The following BTBD9 variants were observed in gnomAD, a reference collection of about 807,000 sequenced individuals.
BTBD9 encodes the protein BTB/POZ domain-containing protein 9.
BTBD9 carries 49 observed loss-of-function variants against 64.3 expected under a neutral mutation model. The observed-to-expected ratio is 0.76, with a 90% CI of 0.61 to 0.97. The LOEUF (loss-of-function observed/expected upper bound fraction) is 0.97, where lower values mean the gene tolerates loss of function less well. BTBD9 is among the 50% of genes least tolerant of loss of function. The pLI, the probability that BTBD9 is intolerant of heterozygous loss-of-function variation, is 0.00. For synonymous variants in BTBD9, 260 were observed against 274.7 expected (o/e 0.95, Z 0.53); for missense variants, 598 against 762.1 (o/e 0.78, Z 2.53).
rs70981527 is a variant in BTBD9, at chr6:38,190,467, T to TAAAA, written c.1641+2048_1641+2051dup. Among the ~76,000 whole-genome samples, 552 of 77,466 alleles carry TAAAA rather than the reference T, an allele frequency of 7.1e-3. 7 individuals are homozygous for TAAAA. Among genetic ancestry groups the TAAAA allele is most frequent in the African/African-American group, 0.024 (518 of 21,424 alleles). The allele number at this position is 77,466 out of a possible 152,430, so 50.8% of individuals were successfully genotyped here. On this transcript the variant is annotated intron_variant, in intron 10 of 10. Coordinates refer to ENST00000481247, the MANE Select transcript of BTBD9 (RefSeq NM_001099272.2). ...TTGGGTGACAGAGTGAAACTCTGTC[T>TAAAA]AAAAAAAAAAAAAAAAAAAAAAAGA...
intron 9 of BTBD9, among the ~76,000 whole-genome samples, chr6:38,250,773 T>C (rs1303215658): frequency 6.6e-6 from 1 of 152,152 alleles, no homozygotes; most frequent in East Asian, 1.9e-4. Context: ...AACTGATGGA[T>C]TAAAAAACAG....
intron 2 of BTBD9, 118 bp downstream of exon 2, chr6:38,597,792 G>A: frequency 2.4e-6 from 2 of 819,422 alleles, no homozygotes; most frequent in Non-Finnish European, 3.8e-6. Context: ...CATAGATATT[G>A]AATTGAGAGA....
intron 8 of BTBD9, among the ~76,000 whole-genome samples, chr6:38,266,457 C>T (rs1305019627): frequency 1.3e-5 from 2 of 151,958 alleles, no homozygotes; most frequent in Admixed American, 1.3e-4. Flanking sequence ...CCTGTAATCC[C>T]AGTTACTCAG....
intron 6 of BTBD9, among the ~76,000 whole-genome samples, chr6:38,379,945 A>G (rs569197466): frequency 1.3e-5 from 2 of 152,324 alleles, no homozygotes; most frequent in South Asian, 2.1e-4. Flanking sequence ...CAAAAGAAAG[A>G]TGTCCCACAT....
chr6:38,554,751 A>G (rs2127450858), intron 6 of BTBD9, among the ~76,000 whole-genome samples: 1 of 152,302 alleles, frequency 6.6e-6, no homozygotes, highest in South Asian at 2.1e-4. Context: ...TAAAAAAAAA[A>G]TCCAAAAAGG....
In BTBD9 at chr6:38,342,311, G is replaced by A. The variant is rs558928845; in HGVS notation, c.1264+2673C>T. On this transcript the variant is annotated intron_variant, in intron 7 of 10. Transcript: ENST00000481247. ...AGCAGTTTGGGAGGCTGGGGCAGGT[G>A]GATCACCTGAGGTCAGGAGTTCGAG... is the stretch of plus-strand genomic sequence containing the variant. Among the ~76,000 whole-genome samples, 3 of 152,058 alleles carry A rather than the reference G, an allele frequency of 2.0e-5. No homozygotes were observed. In the South Asian group the frequency reaches 6.2e-4, roughly 32 times the overall value.
At chr6:38,451,611 A>T (rs914112906) in intron 6 of BTBD9, among the ~76,000 whole-genome samples, 7 of 152,172 alleles carry the variant, frequency 4.6e-5, no homozygotes, top group African/African-American at 1.4e-4. Flanking sequence ...TCTTTCTTCT[A>T]TAGAACAAGG....
chr6:38,560,953 T>A (rs80177255), intron 6 of BTBD9, among the ~76,000 whole-genome samples: 1 of 152,260 alleles, frequency 6.6e-6, no homozygotes, highest in Non-Finnish European at 1.5e-5. Flanking sequence ...ATGGTGTATA[T>A]GTACCACATT....
At position 38,465,251 on chromosome 6, in the gene BTBD9, C is replaced by T. The variant is rs567004260; in HGVS notation, c.1154+112349G>A. Among the ~76,000 whole-genome samples, 364 of 151,232 alleles carry T rather than the reference C, an allele frequency of 2.4e-3. 3 individuals are homozygous for T. The highest frequency in any genetic ancestry group is 5.6e-3 in the African/African-American group (232 of 41,180). ...TTGATGCTGCAGTGAGCCTTCATTG[C>T]GCTACTGTGCTCCAGCCTGGGCAAC... On this transcript the variant is annotated intron_variant, in intron 6 of 10. Transcript: ENST00000481247.
intron 9 of BTBD9, among the ~76,000 whole-genome samples, chr6:38,230,424 G>A (rs1561902755): frequency 6.9e-6 from 1 of 145,028 alleles, no homozygotes; most frequent in Non-Finnish European, 1.5e-5. Flanking sequence ...GAACCTGGGA[G>A]ATGGAGGTTG....
chr6:38,518,269 GT>G, intron 6 of BTBD9, among the ~76,000 whole-genome samples: 1 of 151,964 alleles, frequency 6.6e-6, no homozygotes, highest in South Asian at 2.1e-4. Context: ...CTTACTAATT[GT>G]ATCAGTCCTA....
At chr6:38,378,113 G>A (rs565650715) in intron 6 of BTBD9, among the ~76,000 whole-genome samples, 11 of 152,148 alleles carry the variant, frequency 7.2e-5, no homozygotes, top group South Asian at 4.2e-4. Context: ...GACGACTCTC[G>A]GGGAACCCTC....
chr6:38,483,194 C>G (rs1025402288), intron 6 of BTBD9, among the ~76,000 whole-genome samples: 1 of 151,700 alleles, frequency 6.6e-6, no homozygotes, highest in Non-Finnish European at 1.5e-5. Flanking sequence ...GTATTGCTAC[C>G]CCTATTCCCT....
chr6:38,401,673 T>G (rs1191755087), intron 6 of BTBD9, among the ~76,000 whole-genome samples: 1 of 152,184 alleles, frequency 6.6e-6, no homozygotes, highest in Non-Finnish European at 1.5e-5. Flanking sequence ...TATTATGAAT[T>G]ATTCACAAAA....
chr6:38,500,608 A>G (rs1379437960), intron 6 of BTBD9, among the ~76,000 whole-genome samples: 2 of 152,210 alleles, frequency 1.3e-5, no homozygotes, highest in Non-Finnish European at 2.9e-5. Flanking sequence ...AACTCTGAGC[A>G]ACATCTTACA....
intron 1 of BTBD9, among the ~76,000 whole-genome samples, chr6:38,610,690 G>A (rs1465956571): frequency 6.6e-6 from 1 of 152,124 alleles, no homozygotes; most frequent in Non-Finnish European, 1.5e-5. Context: ...GGGAGATTAG[G>A]CCACATTCTG....
chr6:38,287,113 C>T (rs867017170), intron 8 of BTBD9, among the ~76,000 whole-genome samples: 47 of 103,068 alleles, frequency 4.6e-4, no homozygotes, highest in African/African-American at 1.1e-3. Context: ...AAAATATACA[C>T]ACACACACAC....
At chr6:38,630,600 T>G (rs1778330572) in intron 1 of BTBD9, among the ~76,000 whole-genome samples, 1 of 152,232 alleles carries the variant, frequency 6.6e-6, no homozygotes. Context: ...CTTTGTACTA[T>G]TCCAGCAATT....
rs983689664 is a variant in BTBD9 at position 38,360,056 on chromosome 6, G to T, written c.1155-14963C>A. 2.0e-5 allele frequency among the ~76,000 whole-genome samples: 3 copies of T among 152,164 alleles called. No individual in the cohort carries two copies. In the East Asian group the frequency reaches 5.8e-4, roughly 29 times the overall value. On this transcript the variant is annotated intron_variant, in intron 6 of 10. Coordinates refer to ENST00000481247, the MANE Select transcript of BTBD9 (RefSeq NM_001099272.2). ...ACAATTTACAAGACAAATATAATTG[G>T]ATAATTATATACTGTGCTTTAACGT... is the stretch of plus-strand genomic sequence containing the variant.
Sources: gnomAD v4.1 joint callset for allele counts (sites outside exome capture counted in the v4.1 genomes callset) on GRCh38, gnomAD v4.1.1 for gene constraint, MANE v1.5 for transcripts, NCBI Gene and HGNC (gene_info 2026-07-23, HGNC 2026-07-21) for gene names.